DAB1: variants seen among roughly 807,000 people sequenced by gnomAD.
DAB1 encodes disabled homolog 1.
Under a neutral mutation model 64.6 loss-of-function variants are expected in DAB1, and 15 were observed. The ratio of observed to expected loss-of-function variants is 0.23; its 90% CI spans 0.16 to 0.36. DAB1 has a LOEUF of 0.36. Among genes scored for constraint, DAB1 ranks in the 10% least tolerant of loss-of-function variants. The pLI is 1.00. For synonymous variants in DAB1, 235 were observed against 251.9 expected, an observed-to-expected ratio of 0.93 and a Z score of 0.64; for missense variants, 596 against 706.7, an observed-to-expected ratio of 0.84 and a Z score of 1.78.
At chr1:57,968,049 C>T (rs1020509772) in intron 5 of DAB1, among the ~76,000 whole-genome samples, 1 of 152,156 alleles carries the variant, frequency 6.6e-6, no homozygotes, top group Non-Finnish European at 1.5e-5. Flanking sequence ...CTGCAGCTCC[C>T]TTCTTTCCTA....
At chr1:58,481,149 T>C (rs1356433662) in intron 3 of DAB1, 3 of 852,436 alleles carry the variant, frequency 3.5e-6, no homozygotes, top group Non-Finnish European at 6.1e-6. Flanking sequence ...TGGTGGACAA[T>C]TACACATCTC....
chr1:57,730,157 A>G (rs753454812), intron 6 of DAB1, among the ~76,000 whole-genome samples: 1 of 152,236 alleles, frequency 6.6e-6, no homozygotes, highest in Non-Finnish European at 1.5e-5. Context: ...GTTTCAGACA[A>G]TGCTTGTCAT....
At chr1:57,951,637 C>A (rs2100239098) in intron 5 of DAB1, among the ~76,000 whole-genome samples, 1 of 152,138 alleles carries the variant, frequency 6.6e-6, no homozygotes, top group Admixed American at 6.5e-5. Context: ...GACAACAGTA[C>A]CTAATTTCTA....
At chr1:57,816,570 A>T (rs949128354) in intron 6 of DAB1, among the ~76,000 whole-genome samples, 3 of 151,990 alleles carry the variant, frequency 2.0e-5, no homozygotes, top group Non-Finnish European at 4.4e-5. Flanking sequence ...ATATGTTGCT[A>T]CTCCCATAGA....
chr1:58,521,550 A>G (rs113192552), intron 2 of DAB1, among the ~76,000 whole-genome samples: 3 of 152,254 alleles, frequency 2.0e-5, no homozygotes, highest in African/African-American at 7.2e-5. Flanking sequence ...AAGACAAGAC[A>G]AAGAGCACCA....
At chr1:57,257,535 C>G (rs1669857003) in intron 2 of DAB1, among the ~76,000 whole-genome samples, 1 of 152,186 alleles carries the variant, frequency 6.6e-6, no homozygotes, top group African/African-American at 2.4e-5. Flanking sequence ...GTGATGGTAT[C>G]AGAACTTGGA....
chr1:57,658,439 G>A (rs901292410), intron 6 of DAB1, among the ~76,000 whole-genome samples: 3 of 151,678 alleles, frequency 2.0e-5, no homozygotes, highest in African/African-American at 7.3e-5. Flanking sequence ...GAGTAGCTGG[G>A]ACTACAGGCG....
chr1:58,100,528 G>A (rs1216970667), intron 5 of DAB1, among the ~76,000 whole-genome samples: 1 of 152,168 alleles, frequency 6.6e-6, no homozygotes, highest in Non-Finnish European at 1.5e-5. Flanking sequence ...GTGAACATGT[G>A]TGTACGCATA....
At chr1:57,823,529 A>G (rs1048636146), downstream of DAB1, among the ~76,000 whole-genome samples, 6 of 152,142 alleles carry the variant, frequency 3.9e-5, no homozygotes, top group Non-Finnish European at 8.8e-5. Context: ...AAAATTCTGC[A>G]TTTCTAGAAA....
At chr1:58,341,299 G>A (rs1408867210) in intron 4 of DAB1, among the ~76,000 whole-genome samples, 1 of 152,066 alleles carries the variant, frequency 6.6e-6, no homozygotes, top group Non-Finnish European at 1.5e-5. Flanking sequence ...AGCCGTAACA[G>A]GAGGATGGAA....
intron 5 of DAB1, among the ~76,000 whole-genome samples, chr1:57,967,746 AAATT>A (rs1477102812): frequency 9.2e-5 from 13 of 141,438 alleles, no homozygotes; most frequent in African/African-American, 3.0e-4. Context: ...GTACTTAAAT[AAATT>A]AACATATTCA....
chr1:57,846,575 T>A (rs1385722180), intron 1 of DAB1, among the ~76,000 whole-genome samples: 1 of 152,190 alleles, frequency 6.6e-6, no homozygotes, highest in Non-Finnish European at 1.5e-5. Flanking sequence ...TCTGCTAAGG[T>A]CTTTCCATGT....
intron 5 of DAB1, among the ~76,000 whole-genome samples, chr1:58,079,248 A>C (rs2764688): frequency 6.6e-6 from 1 of 152,076 alleles, no homozygotes; most frequent in African/African-American, 2.4e-5. Context: ...CAGACATCAC[A>C]TCATCAGGGA....
chr1:57,789,409 C>G (rs1650488650), intron 6 of DAB1, among the ~76,000 whole-genome samples: 1 of 152,188 alleles, frequency 6.6e-6, no homozygotes, highest in Non-Finnish European at 1.5e-5. Context: ...ACTTACACAA[C>G]AGAAATGGGT....
At chr1:57,010,885 T>G (rs1473835120) in intron 13 of DAB1, 95 bp from the exon 14 acceptor site, 6 of 1,008,236 alleles carry the variant, frequency 6.0e-6, no homozygotes, top group African/African-American at 1.6e-5. Context: ...CACAATCAGT[T>G]ATTGTAAAGG....
At chr1:57,993,731 G>A (rs933734767) in intron 5 of DAB1, among the ~76,000 whole-genome samples, 3 of 151,608 alleles carry the variant, frequency 2.0e-5, no homozygotes, top group African/African-American at 4.8e-5. Flanking sequence ...CAAATGTCAC[G>A]TTTTAGAGCT....
At chr1:58,341,767 CT>C (rs1428287540) in intron 4 of DAB1, among the ~76,000 whole-genome samples, 3 of 152,184 alleles carry the variant, frequency 2.0e-5, no homozygotes, top group African/African-American at 7.2e-5. Flanking sequence ...ATGACCCTTA[CT>C]TTCTGCTACA....
intron 5 of DAB1, among the ~76,000 whole-genome samples, chr1:58,002,196 A>G (rs1557604574): frequency 6.6e-6 from 1 of 152,182 alleles, no homozygotes; most frequent in South Asian, 2.1e-4. Context: ...CAACTGATAC[A>G]CTGATCTTGA....
chr1:57,353,768 C>G (rs998728531), intron 1 of DAB1, among the ~76,000 whole-genome samples: 1 of 152,272 alleles, frequency 6.6e-6, no homozygotes, highest in Middle Eastern at 3.4e-3. Flanking sequence ...CCCTTCCACA[C>G]TGTGAATAAC....
Sources: gnomAD v4.1 joint callset for allele counts (sites outside exome capture counted in the v4.1 genomes callset) on GRCh38, gnomAD v4.1.1 for gene constraint, MANE v1.5 for transcripts, NCBI Gene and HGNC (gene_info 2026-07-23, HGNC 2026-07-21) for gene names.